Variants in KLF16 observed in about 807,000 individuals in gnomAD.
KLF16 encodes the protein KLF transcription factor 16, also known as Krueppel-like factor 16.
Under a neutral mutation model 6.1 loss-of-function variants are expected in KLF16, and 6 were observed. The ratio of observed to expected loss-of-function variants is 0.98; its 90% CI spans 0.54 to 1.93. The LOEUF (loss-of-function observed/expected upper bound fraction) is 1.93, where lower values mean the gene tolerates loss of function less well. Ranked by LOEUF, KLF16 falls within the 30% of genes most tolerant of loss-of-function variation. The pLI is 0.01. For missense variants in KLF16, 355 were observed against 363.8 expected (o/e 0.98, Z 0.20); for synonymous variants, 211 against 176.5 (o/e 1.20, Z -1.55).
upstream of KLF16, among the ~76,000 whole-genome samples, chr19:1,865,971 C>T (rs937697643): frequency 7.2e-5 from 11 of 152,116 alleles, no homozygotes; most frequent in Non-Finnish European, 1.2e-4. Flanking sequence ...CAAGACCAGC[C>T]GGGGCAACGT....
chr19:1,867,009 A>C (rs1273203154), upstream of KLF16, among the ~76,000 whole-genome samples: 2 of 152,164 alleles, frequency 1.3e-5, no homozygotes, highest in African/African-American at 4.8e-5. Flanking sequence ...AGCTCCTCCC[A>C]GCCCCAAAGA....
upstream of KLF16, among the ~76,000 whole-genome samples, chr19:1,863,724 C>T (rs948385599): frequency 1.4e-5 from 2 of 142,726 alleles, no homozygotes; most frequent in African/African-American, 5.0e-5. Flanking sequence ...GAGGACGCCC[C>T]CTCGGGGCGC....
At chr19:1,858,001 C>G (rs1188746295) in intron 1 of KLF16, among the ~76,000 whole-genome samples, 2 of 152,044 alleles carry the variant, frequency 1.3e-5, no homozygotes, top group African/African-American at 4.8e-5. Context: ...ACCCCCACAC[C>G]CACTCTGCCC....
chr19:1,863,967 C>G (rs2012134846), upstream of KLF16, among the ~76,000 whole-genome samples: 1 of 147,058 alleles, frequency 6.8e-6, no homozygotes, highest in Admixed American at 6.7e-5. Context: ...TACCCTTTCC[C>G]GGAGCACCAC....
the KLF16 span, chr19:1,874,970 A>T: frequency 6.6e-6 from 1 of 152,204 alleles, no homozygotes; most frequent in African/African-American, 2.4e-5. Flanking sequence ...CGTAACATAG[A>T]TGTAACAGGA....
the KLF16 span, among the ~76,000 whole-genome samples, chr19:1,874,313 A>G: frequency 1.1e-4 from 17 of 152,318 alleles, no homozygotes; most frequent in African/African-American, 3.4e-4. Context: ...GAAAACTGGG[A>G]TAAGAGTCTA....
At chr19:1,859,925 G>A (rs2012028795) in intron 1 of KLF16, among the ~76,000 whole-genome samples, 1 of 152,034 alleles carries the variant, frequency 6.6e-6, no homozygotes, top group Non-Finnish European at 1.5e-5. Flanking sequence ...TGGGGACACT[G>A]CATAACCCCC....
chr19:1,859,831 T>G (rs1216758582), intron 1 of KLF16, among the ~76,000 whole-genome samples: 1 of 151,968 alleles, frequency 6.6e-6, no homozygotes, highest in Non-Finnish European at 1.5e-5. Context: ...TGCAGCCCCC[T>G]GGGGGGCACC....
chr19:1,873,160 G>A, the KLF16 span, among the ~76,000 whole-genome samples: 11 of 152,196 alleles, frequency 7.2e-5, no homozygotes, highest in East Asian at 3.9e-4. Flanking sequence ...AGAGCCAGCC[G>A]GGTGGGTCCC....
At chr19:1,866,175 G>A (rs941848399), upstream of KLF16, among the ~76,000 whole-genome samples, 2 of 152,072 alleles carry the variant, frequency 1.3e-5, no homozygotes, top group East Asian at 1.9e-4. Context: ...GGGCCAGGTG[G>A]TGGGCACCTG....
At chr19:1,861,197 C>T (rs1048446332) in intron 1 of KLF16, among the ~76,000 whole-genome samples, 1 of 152,162 alleles carries the variant, frequency 6.6e-6, no homozygotes, top group African/African-American at 2.4e-5. Flanking sequence ...CCTATGGAAG[C>T]GCCTCTTGGG....
chr19:1,871,772 T>C, the KLF16 span, among the ~76,000 whole-genome samples: 1 of 151,830 alleles, frequency 6.6e-6, no homozygotes. Context: ...CACAGCGAGG[T>C]CACCCTGCTG....
In KLF16 at chr19:1,852,567, G is replaced by C. The variant is rs1444403660; in HGVS notation, c.*1892C>G. On this transcript the variant is annotated 3_prime_UTR_variant, in exon 2 of 2. Coordinates refer to ENST00000250916, the MANE Select transcript of KLF16 (RefSeq NM_031918.4). ...GCGACTCCTGGGAGAGTGGAGGGGT[G>C]GGCGCAGGTCTCTCCAAGCCCCTGG... is the stretch of plus-strand genomic sequence containing the variant. 2 of 152,106 alleles carry C rather than the reference G, an allele frequency of 1.3e-5. No homozygotes were observed. Among genetic ancestry groups the C allele is most frequent in the Non-Finnish European group, 2.9e-5 (2 of 68,006 alleles). The allele number at this position is 152,106 out of a possible 1,614,324, so 9.4% of individuals were successfully genotyped here. A position where few individuals can be genotyped will look rare whatever the true frequency, so the allele number is the denominator to read the frequency against.
rs74762559 is a variant in KLF16, at chr19:1,852,915, C to T, written c.*1544G>A. On this transcript the variant is annotated 3_prime_UTR_variant, in exon 2 of 2. Transcript: ENST00000250916. The stretch of plus-strand genomic sequence containing the variant: ...GATCCTGCCAGGCCGGGGCTGGGTC[C>T]AGGTGCACACCAGTGCCATCCAAAG... The T allele has an allele frequency of 6.5e-3, 992 of 152,312 alleles. 31 individuals are homozygous for T. In the East Asian group the frequency reaches 0.096, roughly 15 times the overall value. 9.4% of individuals were successfully genotyped at this position (152,312 alleles called of 1,614,324 possible). A position where few individuals can be genotyped will look rare whatever the true frequency, so the allele number is the denominator to read the frequency against.
At chr19:1,864,843 C>G (rs888231559), upstream of KLF16, among the ~76,000 whole-genome samples, 1 of 152,206 alleles carries the variant, frequency 6.6e-6, no homozygotes, top group African/African-American at 2.4e-5. Flanking sequence ...CCCCCTCGGT[C>G]GCGACCGCGC....
intron 1 of KLF16, chr19:1,860,546 T>TG (rs1407950606): frequency 6.6e-6 from 1 of 151,792 alleles, no homozygotes; most frequent in African/African-American, 2.4e-5. Flanking sequence ...CAGGGGTGGG[T>TG]GGGGGTGGAA....
Position 1,863,568 on chromosome 19 carries a change from G to GGCT in KLF16, c.-74_-72dup. ...GAGCGGCGTCCGTCCGGCCGGCGGCGGCTGCTCGAGTGCGGGAGGCGGAGG... is the reference window on the plus strand; with the variant it reads ...GAGCGGCGTCCGTCCGGCCGGCGGCGGCTGCTGCTCGAGTGCGGGAGGCGGAGG... On this transcript the variant is annotated 5_prime_UTR_variant, in exon 1 of 2. Transcript: ENST00000250916. 1 of 765,696 alleles carries GGCT rather than the reference G, an allele frequency of 1.3e-6. No individual in the cohort carries two copies. Among genetic ancestry groups the GGCT allele is most frequent in the Non-Finnish European group, 1.6e-6 (1 of 632,482 alleles). The allele number at this position is 765,696 out of a possible 1,614,324, so 47.4% of individuals were successfully genotyped here.
chr19:1,859,313 C>T (rs2012015882), intron 1 of KLF16, among the ~76,000 whole-genome samples: 1 of 152,122 alleles, frequency 6.6e-6, no homozygotes, highest in Non-Finnish European at 1.5e-5. Context: ...AGAAACCTGG[C>T]AGGCACTCAG....
At chr19:1,872,288 G>GCAC in the KLF16 span, among the ~76,000 whole-genome samples, 1 of 152,122 alleles carries the variant, frequency 6.6e-6, no homozygotes, top group African/African-American at 2.4e-5. Context: ...CCGCCACCAT[G>GCAC]CCAGCTAATT....
Sources: gnomAD v4.1 joint callset for allele counts (sites outside exome capture counted in the v4.1 genomes callset) on GRCh38, gnomAD v4.1.1 for gene constraint, MANE v1.5 for transcripts, NCBI Gene and HGNC (gene_info 2026-07-23, HGNC 2026-07-21) for gene names.